The following RANBP2 variants were observed in gnomAD, a reference collection of about 807,000 sequenced individuals.
RANBP2 encodes E3 SUMO-protein ligase RanBP2.
Under a neutral mutation model 303.6 loss-of-function variants are expected in RANBP2, and 57 were observed. The ratio of observed to expected loss-of-function variants is 0.19; its 90% CI spans 0.15 to 0.23. The LOEUF (loss-of-function observed/expected upper bound fraction) is 0.23. Ranked by LOEUF, RANBP2 falls within the 10% of genes least tolerant of loss-of-function variation. RANBP2 has a pLI of 1.00. For synonymous variants in RANBP2, 1,167 were observed against 1,301.5 expected (o/e 0.90, Z 2.23); for missense variants, 3,138 against 3,780.8 (o/e 0.83, Z 4.46).
chr2:109,392,938 C>T, the RANBP2 span, among the ~76,000 whole-genome samples: 6 of 152,122 alleles, frequency 3.9e-5, no homozygotes, highest in South Asian at 2.1e-4. Flanking sequence ...ATGAGGAGGG[C>T]GAAGGAACCA....
At chr2:109,220,571 C>G in the RANBP2 span, among the ~76,000 whole-genome samples, 1 of 152,096 alleles carries the variant, frequency 6.6e-6, no homozygotes. Context: ...ACTTCTATAA[C>G]TCAATAATTT....
chr2:109,486,899 C>T, the RANBP2 span, among the ~76,000 whole-genome samples: 8 of 152,204 alleles, frequency 5.3e-5, no homozygotes, highest in African/African-American at 1.7e-4. Context: ...TCAGAGCAAA[C>T]GAGACGTTTT....
chr2:109,058,861 G>A, the RANBP2 span, among the ~76,000 whole-genome samples: 1 of 152,136 alleles, frequency 6.6e-6, no homozygotes, highest in Non-Finnish European at 1.5e-5. Flanking sequence ...TTGGGGAGGG[G>A]GCCTGGGAAA....
At chr2:109,615,576 G>A in the RANBP2 span, 3 of 1,614,076 alleles carry the variant, frequency 1.9e-6, no homozygotes, top group South Asian at 2.2e-5. Context: ...GCTGGTGGGG[G>A]CCTACGACGC....
chr2:109,277,315 G>A, the RANBP2 span, among the ~76,000 whole-genome samples: 1 of 152,166 alleles, frequency 6.6e-6, no homozygotes, highest in African/African-American at 2.4e-5. Flanking sequence ...GCAGATGATG[G>A]TTTGATTGGA....
the RANBP2 span, among the ~76,000 whole-genome samples, chr2:109,438,686 G>A: frequency 2.2e-4 from 33 of 152,246 alleles, no homozygotes; most frequent in East Asian, 5.6e-3. Context: ...CTGATCAGCC[G>A]TCCTTCAGCA....
intron 4 of RANBP2, among the ~76,000 whole-genome samples, chr2:108,735,196 A>G (rs1015082188): frequency 1.1e-4 from 16 of 152,244 alleles, no homozygotes; most frequent in Admixed American, 2.6e-4. Flanking sequence ...AGCAGTTTGA[A>G]CATAAGGACC....
At chr2:109,455,503 A>G in the RANBP2 span, among the ~76,000 whole-genome samples, 1 of 147,796 alleles carries the variant, frequency 6.8e-6, no homozygotes, top group African/African-American at 2.5e-5. Flanking sequence ...CATTAAATAT[A>G]TGTATATCTC....
At chr2:108,997,243 C>T in the RANBP2 span, among the ~76,000 whole-genome samples, 1 of 151,830 alleles carries the variant, frequency 6.6e-6, no homozygotes, top group South Asian at 2.1e-4. Context: ...AGATCGAGAC[C>T]AACCTGGCTA....
chr2:108,751,314 T>C lies in RANBP2; in HGVS notation c.1324T>C (p.Leu442=). 6.2e-7 allele frequency: 1 copy of C among 1,611,966 alleles called. No individual in the cohort carries two copies. Residue 442 remains leucine, a synonymous_variant, in exon 10 of 29, where the codon TTA becomes CTA. Transcript: ENST00000283195. ...TCTTCAGCACCTTACTTGGCTTGGC[T>C]TACAGTGGAATTCATTGCCTGCTTT... ...GSLQHLTWLG[L]QWNSLPALPG...
At chr2:108,768,739 A>G (rs1427182896) in intron 20 of RANBP2, among the ~76,000 whole-genome samples, 1 of 152,078 alleles carries the variant, frequency 6.6e-6, no homozygotes, top group Non-Finnish European at 1.5e-5. Flanking sequence ...CACTCAGAAA[A>G]CATGATATTG....
chr2:109,083,519 ACTTT>A, the RANBP2 span, among the ~76,000 whole-genome samples: 39 of 152,194 alleles, frequency 2.6e-4, no homozygotes, highest in South Asian at 7.7e-3. Flanking sequence ...GATGTAGCAC[ACTTT>A]CTTTATTCAT....
the RANBP2 span, among the ~76,000 whole-genome samples, chr2:109,631,989 T>G: frequency 5.9e-5 from 9 of 152,070 alleles, no homozygotes; most frequent in African/African-American, 1.9e-4. Flanking sequence ...GGAATTTGAG[T>G]CACCTGACCT....
the RANBP2 span, among the ~76,000 whole-genome samples, chr2:109,548,157 G>T: frequency 6.9e-6 from 1 of 145,274 alleles, no homozygotes; most frequent in Non-Finnish European, 1.5e-5. Context: ...AGGTGGACCT[G>T]GTTTAATTGT....
chr2:108,740,736 G>T (rs1210093370), intron 7 of RANBP2, 55 bp downstream of exon 7: 133 of 1,597,240 alleles, frequency 8.3e-5, no homozygotes, highest in East Asian at 3.3e-4. Flanking sequence ...TGATGTGTTT[G>T]AAATGAAGGT....
the RANBP2 span, among the ~76,000 whole-genome samples, chr2:108,858,073 G>A: frequency 2.0e-5 from 3 of 152,236 alleles, no homozygotes; most frequent in East Asian, 5.8e-4. Flanking sequence ...GCCAGGTGCA[G>A]TGGCTCATGC....
At chr2:109,633,770 T>C in the RANBP2 span, among the ~76,000 whole-genome samples, 1 of 152,254 alleles carries the variant, frequency 6.6e-6, no homozygotes, top group South Asian at 2.1e-4. Flanking sequence ...AGCGTTGAAA[T>C]GAGCATAGGT....
At chr2:109,681,630 A>G in the RANBP2 span, among the ~76,000 whole-genome samples, 1 of 152,098 alleles carries the variant, frequency 6.6e-6, no homozygotes, top group Non-Finnish European at 1.5e-5. Flanking sequence ...GTCCCACAGC[A>G]CCGAGGCTGG....
the RANBP2 span, among the ~76,000 whole-genome samples, chr2:109,526,666 G>C: frequency 6.6e-6 from 1 of 152,154 alleles, no homozygotes; most frequent in Non-Finnish European, 1.5e-5. Flanking sequence ...CCAAGGGTGG[G>C]AGGAAGTGCA....
Sources: allele counts gnomAD v4.1 joint callset (sites outside exome capture counted in the v4.1 genomes callset), GRCh38; gene constraint gnomAD v4.1.1; transcripts MANE v1.5; gene names NCBI Gene and HGNC (gene_info 2026-07-23, HGNC 2026-07-21).